CNTNAP5: variants seen among roughly 807,000 people sequenced by gnomAD.
CNTNAP5 encodes contactin-associated protein-like 5.
CNTNAP5 carries 72 observed loss-of-function variants against 150.2 expected under a neutral mutation model. That is an observed-to-expected ratio of 0.48 (90% CI 0.40 to 0.58). CNTNAP5 has a LOEUF of 0.58. CNTNAP5 is among the 20% of genes least tolerant of loss of function. The probability of loss-of-function intolerance (pLI) is 0.00; values close to 1 mark genes in which losing one functional copy is unlikely to be tolerated. For synonymous variants in CNTNAP5, 672 were observed against 619.8 expected (o/e 1.08, Z -1.25); for missense variants, 1,636 against 1,626.2 (o/e 1.01, Z -0.10).
In CNTNAP5 at chr2:124,237,682, C is replaced by A. The variant is rs144640549; in HGVS notation, c.188-4518C>A. On this transcript the variant is annotated intron_variant, in intron 2 of 23. Coordinates refer to ENST00000682447, the MANE Select transcript of CNTNAP5 (RefSeq NM_001367498.1). The stretch of plus-strand genomic sequence containing the variant: ...TGAAACCCTGTTTCTACTAAAAATA[C>A]AAAAATTAGCTGGATGTGGTGGCAC... 4.6e-3 allele frequency among the ~76,000 whole-genome samples: 705 copies of A among 152,034 alleles called. 3 individuals carry two copies. The highest frequency in any genetic ancestry group is 0.016 in the African/African-American group (655 of 41,492).
At chr2:124,135,666 T>G (rs1329258151) in intron 1 of CNTNAP5, among the ~76,000 whole-genome samples, 1 of 152,194 alleles carries the variant, frequency 6.6e-6, no homozygotes, top group African/African-American at 2.4e-5. Context: ...CCACTCCTAT[T>G]CCTTTCTCCA....
At chr2:124,170,770 A>G (rs1440828480) in intron 1 of CNTNAP5, among the ~76,000 whole-genome samples, 1 of 152,022 alleles carries the variant, frequency 6.6e-6, no homozygotes, top group African/African-American at 2.4e-5. Context: ...GTGAAAAGAG[A>G]ACAGGAATAG....
chr2:124,628,358 G>A (rs946707420), intron 12 of CNTNAP5, among the ~76,000 whole-genome samples: 1 of 152,224 alleles, frequency 6.6e-6, no homozygotes, highest in Admixed American at 6.5e-5. Context: ...CAGACTGACA[G>A]TGGACCTCTC....
At chr2:124,256,750 G>A (rs1401945486) in intron 3 of CNTNAP5, among the ~76,000 whole-genome samples, 1 of 152,202 alleles carries the variant, frequency 6.6e-6, no homozygotes. Context: ...GGAAGTGTAT[G>A]TAAGAGCTAT....
intron 21 of CNTNAP5, among the ~76,000 whole-genome samples, chr2:124,892,765 TGTG>T (rs1678220244): frequency 6.6e-6 from 1 of 152,136 alleles, no homozygotes; most frequent in African/African-American, 2.4e-5. Flanking sequence ...GAATTGAATT[TGTG>T]GTGTGATTTG....
intron 1 of CNTNAP5, among the ~76,000 whole-genome samples, chr2:124,182,139 T>C (rs1419754403): frequency 6.6e-6 from 1 of 152,158 alleles, no homozygotes; most frequent in South Asian, 2.1e-4. Context: ...CTCACAATAA[T>C]CAGAATTGGG....
intron 19 of CNTNAP5, among the ~76,000 whole-genome samples, chr2:124,809,505 C>T (rs1315388162): frequency 6.6e-6 from 1 of 151,784 alleles, no homozygotes; most frequent in Non-Finnish European, 1.5e-5. Flanking sequence ...CTCCTGGACT[C>T]AAGGGATCCT....
chr2:124,063,936 T>C (rs1682082752), intron 1 of CNTNAP5, among the ~76,000 whole-genome samples: 2 of 152,268 alleles, frequency 1.3e-5, no homozygotes, highest in South Asian at 2.1e-4. Context: ...TGCTATACTT[T>C]CTGAGAAAGA....
intron 12 of CNTNAP5, among the ~76,000 whole-genome samples, chr2:124,631,087 A>T (rs951975372): frequency 6.6e-6 from 1 of 152,172 alleles, no homozygotes; most frequent in African/African-American, 2.4e-5. Flanking sequence ...ACACAAGCAG[A>T]TGGAAAAACA....
chr2:124,094,462 T>C (rs1558753183), intron 1 of CNTNAP5, among the ~76,000 whole-genome samples: 1 of 152,224 alleles, frequency 6.6e-6, no homozygotes, highest in Non-Finnish European at 1.5e-5. Context: ...ATCACCCACA[T>C]TGCAAATGTC....
At chr2:124,667,310 G>T (rs968827185) in intron 13 of CNTNAP5, among the ~76,000 whole-genome samples, 1 of 152,196 alleles carries the variant, frequency 6.6e-6, no homozygotes, top group African/African-American at 2.4e-5. Context: ...TAATGTACAC[G>T]TGTGTACTCC....
In CNTNAP5 at chr2:124,353,680, A is replaced by G. The variant is rs188640302; in HGVS notation, c.382-63763A>G. On this transcript the variant is annotated intron_variant, in intron 3 of 23. Transcript: ENST00000682447. ...TTCTAGAGCACTATAGAACAGAAGC[A>G]GTGATATCTGTACAAGCTTTAAACA... 1.6e-3 allele frequency among the ~76,000 whole-genome samples: 246 copies of G among 152,332 alleles called. 2 individuals are homozygous for G. Among genetic ancestry groups the G allele is most frequent in the African/African-American group, 5.7e-3 (235 of 41,580 alleles).
At chr2:124,674,492 ACTTC>A in intron 13 of CNTNAP5, among the ~76,000 whole-genome samples, 1 of 71,428 alleles carries the variant, frequency 1.4e-5, no homozygotes, top group South Asian at 4.8e-4. Context: ...CTCCCTCTCT[ACTTC>A]CTTTCTTTCT....
At chr2:124,780,940 T>C (rs779264520) in intron 17 of CNTNAP5, among the ~76,000 whole-genome samples, 1 of 152,202 alleles carries the variant, frequency 6.6e-6, no homozygotes, top group Non-Finnish European at 1.5e-5. Flanking sequence ...CAGAATTTAT[T>C]CTTCATTCTC....
At chr2:124,702,384 T>G (rs910678298) in intron 13 of CNTNAP5, among the ~76,000 whole-genome samples, 2 of 84,060 alleles carry the variant, frequency 2.4e-5, no homozygotes, top group African/African-American at 9.8e-5. Flanking sequence ...TTTTTTTTTT[T>G]TTTTTTTTTT....
rs1225110522 is a variant in CNTNAP5 at position 124,408,244 on chromosome 2, G to T, written c.382-9199G>T. 5.3e-5 allele frequency among the ~76,000 whole-genome samples: 8 copies of T among 152,314 alleles called. No homozygotes were observed. In the South Asian group the frequency reaches 1.0e-3, roughly 20 times the overall value. ...GCTCGGAGGGTCCTACGCCCACGGA[G>T]TCTCGCTGATTGCTAGCACAGCAGT... is the stretch of plus-strand genomic sequence containing the variant. On this transcript the variant is annotated intron_variant, in intron 3 of 23. Coordinates refer to ENST00000682447, the MANE Select transcript of CNTNAP5 (RefSeq NM_001367498.1).
rs1480523323 is a variant in CNTNAP5 at position 124,618,264 on chromosome 2, T to A, written c.1876+8344T>A. On this transcript the variant is annotated intron_variant, in intron 12 of 23. Coordinates refer to ENST00000682447, the MANE Select transcript of CNTNAP5 (RefSeq NM_001367498.1). ...ACTATTTAGCTGGCCCTGAAAAAAA[T>A]TAAAAAAAAAGATGAGCAACAGACT... is the stretch of plus-strand genomic sequence containing the variant. 2.6e-5 allele frequency among the ~76,000 whole-genome samples: 4 copies of A among 151,328 alleles called. No individual in the cohort carries two copies. In the East Asian group the frequency reaches 7.8e-4, roughly 29 times the overall value.
intron 13 of CNTNAP5, among the ~76,000 whole-genome samples, chr2:124,657,121 T>C (rs192804539): frequency 6.6e-6 from 1 of 152,148 alleles, no homozygotes; most frequent in East Asian, 1.9e-4. Flanking sequence ...GGTCTCCCAA[T>C]CTCATAGTGT....
intron 16 of CNTNAP5, among the ~76,000 whole-genome samples, chr2:124,769,679 ATCTAT>A (rs1681147752): frequency 6.6e-6 from 1 of 152,134 alleles, no homozygotes; most frequent in Non-Finnish European, 1.5e-5. Flanking sequence ...CATCTTTATT[ATCTAT>A]TCTAGCTTTG....
Sources: allele counts gnomAD v4.1 joint callset (sites outside exome capture counted in the v4.1 genomes callset), GRCh38; gene constraint gnomAD v4.1.1; transcripts MANE v1.5; gene names NCBI Gene and HGNC (gene_info 2026-07-23, HGNC 2026-07-21).